MBTPS1: variants seen among roughly 807,000 people sequenced by gnomAD.
The protein encoded by MBTPS1 is membrane bound transcription factor peptidase, site 1.
A neutral mutation model predicts 127.8 loss-of-function variants in MBTPS1; 94 were observed. That is an observed-to-expected ratio of 0.74 (90% CI 0.62 to 0.87). MBTPS1 has a LOEUF of 0.87. Among genes scored for constraint, MBTPS1 ranks in the 40% least tolerant of loss-of-function variants. MBTPS1 has a pLI of 0.00. For missense variants in MBTPS1, 1,636 were observed against 1,353.2 expected, an observed-to-expected ratio of 1.21 and a Z score of -3.28; for synonymous variants, 632 against 509.4, an observed-to-expected ratio of 1.24 and a Z score of -3.24.
chr16:84,093,435 T>A (rs2086137404), intron 5 of MBTPS1, 138 bp from the exon 6 acceptor site: 1 of 678,748 alleles, frequency 1.5e-6, no homozygotes. Flanking sequence ...TGCTCTACGA[T>A]CCCCTTAGAC....
chr16:84,076,382 C>A (rs954002242), intron 11 of MBTPS1, among the ~76,000 whole-genome samples: 1 of 152,086 alleles, frequency 6.6e-6, no homozygotes, highest in African/African-American at 2.4e-5. Context: ...AGATTAGGAA[C>A]AACGTAAGGA....
intron 14 of MBTPS1, among the ~76,000 whole-genome samples, chr16:84,069,616 T>C (rs889580978): frequency 1.5e-4 from 23 of 152,206 alleles, no homozygotes; most frequent in Non-Finnish European, 1.5e-4. Flanking sequence ...ACAGCTTTGC[T>C]GACTGGCGCA....
intron 18 of MBTPS1, 31 bp downstream of exon 18, chr16:84,065,659 A>C (rs368715223): frequency 2.8e-5 from 41 of 1,451,930 alleles, no homozygotes; most frequent in Admixed American, 1.5e-4. Flanking sequence ...GAGAAAGAAG[A>C]AGCAAAAGGC....
intron 4 of MBTPS1, among the ~76,000 whole-genome samples, chr16:84,094,639 T>G (rs1289029579): frequency 2.6e-5 from 4 of 152,218 alleles, no homozygotes; most frequent in African/African-American, 9.6e-5. Flanking sequence ...TAAACTGAGA[T>G]AAATATAAAA....
At chr16:84,055,244 A>C (rs967013386) in intron 22 of MBTPS1, among the ~76,000 whole-genome samples, 1 of 152,206 alleles carries the variant, frequency 6.6e-6, no homozygotes, top group African/African-American at 2.4e-5. Flanking sequence ...ACCTATGCGC[A>C]AGGCCCTCAG....
chr16:84,087,310 CA>C, intron 9 of MBTPS1, 47 bp downstream of exon 9: 1 of 1,446,134 alleles, frequency 6.9e-7, no homozygotes, highest in South Asian at 1.1e-5. Flanking sequence ...CCACTAGCCA[CA>C]GTAGTTTGTC....
Position 84,067,633 on chromosome 16 carries a change from G to A in MBTPS1, c.2228+34C>T, listed in dbSNP as rs199777540. 17 of 745,946 alleles carry A rather than the reference G, an allele frequency of 2.3e-5. No homozygotes were observed. In the East Asian group the frequency reaches 6.7e-4, roughly 30 times the overall value. The allele number at this position is 745,946 out of a possible 1,614,324, so 46.2% of individuals were successfully genotyped here. A position where few individuals can be genotyped will look rare whatever the true frequency, so the allele number is the denominator to read the frequency against. On this transcript the variant is annotated intron_variant, in intron 16 of 22. Transcript: ENST00000343411. ...CTGGGTAGAATTTGATTCCCCAAAA[G>A]TCTTATCCAAATACCAATGCGTATC...
At position 84,063,358 on chromosome 16, in the gene MBTPS1, C is replaced by T. The variant is rs1261510120; in HGVS notation, c.2519G>A (p.Arg840Gln). Residue 840 changes from arginine to glutamine, a missense_variant, in exon 19 of 23, where the codon CGG (arginine) becomes CAG (glutamine). Coordinates refer to ENST00000343411, the MANE Select transcript of MBTPS1 (RefSeq NM_003791.4). ...LYQIPAEGGG[R>Q]IVLYGDSNCL... ...ATTGGAGTCCCCATACAGTACAATC[C>T]GGCCTCCACCCTCAGCTGGAATCTG... The T allele has an allele frequency of 8.7e-6, 14 of 1,613,918 alleles. No individual in the cohort carries two copies. The highest frequency in any genetic ancestry group is 2.2e-5 in the South Asian group (2 of 91,088).
chr16:84,082,788 G>A (rs546068830), intron 10 of MBTPS1, among the ~76,000 whole-genome samples: 12 of 152,142 alleles, frequency 7.9e-5, no homozygotes, highest in Non-Finnish European at 1.6e-4. Flanking sequence ...AAGAAAAGAA[G>A]TGCTCAAAGC....
chr16:84,062,904 T>G (rs2085634297), intron 19 of MBTPS1, among the ~76,000 whole-genome samples: 1 of 151,110 alleles, frequency 6.6e-6, no homozygotes, highest in South Asian at 2.1e-4. Context: ...AGTAAAAGAG[T>G]GAGTCAGACC....
intron 2 of MBTPS1, among the ~76,000 whole-genome samples, chr16:84,100,474 G>A (rs1482329264): frequency 6.6e-6 from 1 of 152,094 alleles, no homozygotes; most frequent in Non-Finnish European, 1.5e-5. Flanking sequence ...AACCTGGGAG[G>A]TGGAGGTTGC....
intron 10 of MBTPS1, among the ~76,000 whole-genome samples, chr16:84,082,542 G>C (rs1160196060): frequency 6.6e-6 from 1 of 152,170 alleles, no homozygotes; most frequent in Non-Finnish European, 1.5e-5. Flanking sequence ...TAGGAACTTA[G>C]CCTGGTGATA....
chr16:84,114,341 A>T (rs2086440324), intron 1 of MBTPS1, among the ~76,000 whole-genome samples: 1 of 152,164 alleles, frequency 6.6e-6, no homozygotes, highest in Admixed American at 6.5e-5. Context: ...GTGGTCTTGT[A>T]TTAAAAAGAA....
At chr16:84,059,175 G>C (rs868680142) in intron 21 of MBTPS1, 127 bp downstream of exon 21, 2 of 1,272,050 alleles carry the variant, frequency 1.6e-6, no homozygotes, top group Non-Finnish European at 2.2e-6. Flanking sequence ...AATAACTGTC[G>C]CAAATGACAA....
chr16:84,104,999 G>A (rs1597351642), intron 1 of MBTPS1, among the ~76,000 whole-genome samples: 1 of 152,128 alleles, frequency 6.6e-6, no homozygotes, highest in Admixed American at 6.5e-5. Flanking sequence ...CTACTCCGGA[G>A]GGTGAGGCAG....
At chr16:84,065,085 G>C (rs2085661785) in intron 18 of MBTPS1, among the ~76,000 whole-genome samples, 1 of 150,478 alleles carries the variant, frequency 6.6e-6, no homozygotes, top group Non-Finnish European at 1.5e-5. Flanking sequence ...ATTTATAAAG[G>C]GTAACAAAAA....
chr16:84,094,427 TAGTA>T (rs561118720), intron 4 of MBTPS1, among the ~76,000 whole-genome samples: 21 of 152,324 alleles, frequency 1.4e-4, no homozygotes, highest in African/African-American at 4.6e-4. Flanking sequence ...TTTTCTATAA[TAGTA>T]AGTCTATTCC....
intron 8 of MBTPS1, among the ~76,000 whole-genome samples, chr16:84,090,554 A>C (rs576072681): frequency 6.6e-6 from 1 of 152,218 alleles, no homozygotes; most frequent in Non-Finnish European, 1.5e-5. Flanking sequence ...TAATAGATTC[A>C]CTTTTCTGAT....
Position 84,066,483 on chromosome 16 carries a change from CCTTA to C in MBTPS1, c.2353+2_2353+5del. ...AAGACCACGCCCTCAGGAAACAGAG[CCTTA>C]CTGTCATGGTTGGCCAGGGTGAACT... is the stretch of plus-strand genomic sequence containing the variant. On this transcript the variant is annotated splice_donor_variant and splice_donor_5th_base_variant and intron_variant, in intron 17 of 22. Coordinates refer to ENST00000343411, the MANE Select transcript of MBTPS1 (RefSeq NM_003791.4). LOFTEE classifies it high-confidence loss of function. The C allele has an allele frequency of 1.9e-6, 3 of 1,613,886 alleles. No homozygotes were observed. The highest frequency in any genetic ancestry group is 1.7e-6 in the Non-Finnish European group (2 of 1,179,878).
Sources: gnomAD v4.1 joint callset for allele counts (sites outside exome capture counted in the v4.1 genomes callset) on GRCh38, gnomAD v4.1.1 for gene constraint, MANE v1.5 for transcripts, NCBI Gene and HGNC (gene_info 2026-07-23, HGNC 2026-07-21) for gene names.